The following TCERG1L variants were observed in gnomAD, a reference collection of about 807,000 sequenced individuals.
The protein encoded by TCERG1L is transcription elongation regulator 1 like.
In TCERG1L, 37 loss-of-function variants were observed where a neutral mutation model predicts 56.3. The observed-to-expected ratio is 0.66, with a 90% confidence interval of 0.51 to 0.87. TCERG1L has a LOEUF of 0.87. Ranked by LOEUF, TCERG1L falls within the 40% of genes least tolerant of loss-of-function variation. The probability of loss-of-function intolerance (pLI) is 0.00; values close to 1 mark genes in which losing one functional copy is unlikely to be tolerated. For missense variants in TCERG1L, 799 were observed against 774.2 expected, an observed-to-expected ratio of 1.03 and a Z score of -0.38; for synonymous variants, 324 against 326.3, an observed-to-expected ratio of 0.99 and a Z score of 0.08.
chr10:131,178,264 C>T (rs1319599143), intron 4 of TCERG1L, among the ~76,000 whole-genome samples: 1 of 152,164 alleles, frequency 6.6e-6, no homozygotes, highest in African/African-American at 2.4e-5. Context: ...CTGCCAGGTG[C>T]TTGGAGGGGA....
chr10:131,115,644 G>A (rs904050595), intron 9 of TCERG1L, among the ~76,000 whole-genome samples: 2 of 148,416 alleles, frequency 1.3e-5, no homozygotes, highest in African/African-American at 5.0e-5. Flanking sequence ...GCTGTGTTTC[G>A]CCTTTGAGTA....
At chr10:131,185,852 C>T (rs907458829) in intron 4 of TCERG1L, among the ~76,000 whole-genome samples, 2 of 152,184 alleles carry the variant, frequency 1.3e-5, no homozygotes, top group African/African-American at 2.4e-5. Flanking sequence ...GATTCCACTC[C>T]TAGATCTATA....
At chr10:131,257,835 G>A (rs1589763907) in intron 4 of TCERG1L, among the ~76,000 whole-genome samples, 1 of 152,338 alleles carries the variant, frequency 6.6e-6, no homozygotes, top group East Asian at 1.9e-4. Flanking sequence ...GTGGAGCTCT[G>A]AGGTTACTGA....
At position 131,116,870 on chromosome 10, in the gene TCERG1L, G is replaced by A. The variant is rs1438376800; in HGVS notation, c.1324C>T (p.Pro442Ser). 6.3e-7 allele frequency: 1 copy of A among 1,593,594 alleles called. No homozygotes were observed. Among genetic ancestry groups the A allele is most frequent in the Non-Finnish European group, 8.5e-7 (1 of 1,170,772 alleles). ...AGAGGCAGGAGGATCTGCGGGGGCG[G>A]CGTCCTTGTGCCTTTGTCCTCTCTC... ...AKREDKGTRT[P>S]PPQILLPLEE... Residue 442 changes from proline (P) to serine (S), a missense_variant, in exon 9 of 12, where the codon CCG (proline) becomes TCG (serine). By Grantham distance (74) the Pro-to-Ser change is moderately conservative (BLOSUM62 -1). Coordinates refer to ENST00000368642, the MANE Select transcript of TCERG1L (RefSeq NM_174937.4).
intron 4 of TCERG1L, among the ~76,000 whole-genome samples, chr10:131,207,653 G>T (rs1845555093): frequency 6.6e-6 from 1 of 152,198 alleles, no homozygotes; most frequent in African/African-American, 2.4e-5. Flanking sequence ...GCCTCATACA[G>T]ATTGGGAGAT....
chr10:131,093,657 C>A (rs956467768), intron 11 of TCERG1L, among the ~76,000 whole-genome samples: 1 of 152,174 alleles, frequency 6.6e-6, no homozygotes, highest in African/African-American at 2.4e-5. Context: ...TCTCCTCCGC[C>A]CCTCCCTTGC....
chr10:131,127,739 C>A (rs1845578072), intron 8 of TCERG1L, among the ~76,000 whole-genome samples: 1 of 152,002 alleles, frequency 6.6e-6, no homozygotes. Flanking sequence ...ACAGGTCCCC[C>A]AAAGACACAG....
At chr10:131,306,114 T>C (rs749142323) in intron 3 of TCERG1L, among the ~76,000 whole-genome samples, 9 of 152,260 alleles carry the variant, frequency 5.9e-5, no homozygotes, top group South Asian at 2.1e-4. Flanking sequence ...GAGCTTACCC[T>C]ACCTACCACC....
chr10:131,303,656 T>C (rs1846791584), intron 3 of TCERG1L, among the ~76,000 whole-genome samples: 1 of 152,102 alleles, frequency 6.6e-6, no homozygotes, highest in South Asian at 2.1e-4. Flanking sequence ...CTCCCACTGT[T>C]ACGATCTGAT....
chr10:131,287,320 C>T (rs1038877757), intron 3 of TCERG1L, among the ~76,000 whole-genome samples: 1 of 152,200 alleles, frequency 6.6e-6, no homozygotes, highest in Non-Finnish European at 1.5e-5. Context: ...ATTCTGTATC[C>T]TATCTGTAAG....
At chr10:131,248,734 T>A (rs1846069809) in intron 4 of TCERG1L, among the ~76,000 whole-genome samples, 1 of 152,150 alleles carries the variant, frequency 6.6e-6, no homozygotes, top group Non-Finnish European at 1.5e-5. Flanking sequence ...AGTGGGACAC[T>A]CTCAACATGC....
At chr10:131,279,517 G>C (rs1225420176) in intron 3 of TCERG1L, among the ~76,000 whole-genome samples, 1 of 152,178 alleles carries the variant, frequency 6.6e-6, no homozygotes, top group Non-Finnish European at 1.5e-5. Context: ...CTCATCAAGA[G>C]CCAAGTGACA....
At chr10:131,096,010 T>C (rs1162734494) in intron 11 of TCERG1L, among the ~76,000 whole-genome samples, 1 of 152,204 alleles carries the variant, frequency 6.6e-6, no homozygotes, top group Admixed American at 6.5e-5. Flanking sequence ...TTAACAGTAA[T>C]GATGGTCTCA....
intron 6 of TCERG1L, among the ~76,000 whole-genome samples, chr10:131,148,529 C>T (rs1359426430): frequency 1.3e-5 from 2 of 151,718 alleles, no homozygotes; most frequent in Non-Finnish European, 2.9e-5. Context: ...CACACATATA[C>T]ACATGCACAG....
At chr10:131,120,811 C>A (rs1198942580) in intron 8 of TCERG1L, among the ~76,000 whole-genome samples, 1 of 152,224 alleles carries the variant, frequency 6.6e-6, no homozygotes, top group East Asian at 1.9e-4. Context: ...TCCACATCGA[C>A]CTCTCGGAGC....
Position 131,092,882 on chromosome 10 carries a change from G to A in TCERG1L, c.*280C>T. 3.3e-6 allele frequency: 1 copy of A among 305,484 alleles called. No homozygotes were observed. Among genetic ancestry groups the A allele is most frequent in the Non-Finnish European group, 6.0e-6 (1 of 166,126 alleles). 18.9% of individuals were successfully genotyped at this position (305,484 alleles called of 1,614,324 possible). A position where few individuals can be genotyped will look rare whatever the true frequency, so the allele number is the denominator to read the frequency against. ...TCCTGCTTCCCCACAGTCCTGCAGT[G>A]GATTGATAATTTGTGTATATTACAA... On this transcript the variant is annotated 3_prime_UTR_variant, in exon 12 of 12. Coordinates refer to ENST00000368642, the MANE Select transcript of TCERG1L (RefSeq NM_174937.4).
At chr10:131,296,027 G>C (rs919704320) in intron 3 of TCERG1L, among the ~76,000 whole-genome samples, 1 of 151,978 alleles carries the variant, frequency 6.6e-6, no homozygotes, top group African/African-American at 2.4e-5. Flanking sequence ...TATGTTTTGT[G>C]AGTATTTTTC....
chr10:131,254,781 G>A lies in TCERG1L; in HGVS notation c.856+5478C>T, dbSNP rs558196574. 4.6e-5 allele frequency among the ~76,000 whole-genome samples: 7 copies of A among 152,348 alleles called. No homozygotes were observed. The East Asian group carries it at 5.8e-4, about 13-fold the overall frequency. On this transcript the variant is annotated intron_variant, in intron 4 of 11. Coordinates refer to ENST00000368642, the MANE Select transcript of TCERG1L (RefSeq NM_174937.4). ...AACTCCTGGGCAGACCCGGGGCAACGTACTGAACTGGAGAGTCTTTGTGGC... is the reference window on the plus strand; with the variant it reads ...AACTCCTGGGCAGACCCGGGGCAACATACTGAACTGGAGAGTCTTTGTGGC...
intron 3 of TCERG1L, among the ~76,000 whole-genome samples, chr10:131,271,405 G>A (rs866931127): frequency 2.0e-5 from 3 of 152,152 alleles, no homozygotes; most frequent in East Asian, 3.9e-4. Context: ...GAGGACTTCC[G>A]TCTCTCCCTG....
Sources: gnomAD v4.1 joint callset for allele counts (sites outside exome capture counted in the v4.1 genomes callset) on GRCh38, gnomAD v4.1.1 for gene constraint, MANE v1.5 for transcripts, NCBI Gene and HGNC (gene_info 2026-07-23, HGNC 2026-07-21) for gene names.